The following ACSM3 variants were observed in gnomAD, a reference collection of about 807,000 sequenced individuals.
The protein encoded by ACSM3 is acyl-coenzyme A synthetase ACSM3, mitochondrial.
In ACSM3, 61 loss-of-function variants were observed where a neutral mutation model predicts 74.1. That is an observed-to-expected ratio of 0.82 (90% CI 0.67 to 1.02). The LOEUF (loss-of-function observed/expected upper bound fraction) is 1.02, where lower values mean the gene tolerates loss of function less well. ACSM3 is among the 50% of genes least tolerant of loss of function. The pLI is 0.00. For missense variants in ACSM3, 660 were observed against 697.0 expected (o/e 0.95, Z 0.60); for synonymous variants, 213 against 241.5 (o/e 0.88, Z 1.09).
intron 2 of ACSM3, among the ~76,000 whole-genome samples, chr16:20,773,189 CTT>C (rs1014332189): frequency 6.6e-6 from 1 of 151,980 alleles, no homozygotes; most frequent in Admixed American, 6.6e-5. Flanking sequence ...CTTTAATGAT[CTT>C]TTGTATTTCT....
chr16:20,786,481 G>A (rs1397599747), intron 9 of ACSM3, among the ~76,000 whole-genome samples: 1 of 152,202 alleles, frequency 6.6e-6, no homozygotes, highest in Non-Finnish European at 1.5e-5. Flanking sequence ...AGGAGTTCAA[G>A]ACCAGCCTGG....
intron 1 of ACSM3, among the ~76,000 whole-genome samples, chr16:20,720,651 G>A (rs6497516): frequency 1.3e-5 from 2 of 150,674 alleles, no homozygotes; most frequent in Admixed American, 1.3e-4. Context: ...ACATAAGAAC[G>A]GAGATCTCCA....
intron 1 of ACSM3, among the ~76,000 whole-genome samples, chr16:20,688,050 G>A (rs930803044): frequency 1.7e-4 from 26 of 150,406 alleles, no homozygotes; most frequent in Admixed American, 4.6e-4. Context: ...GTGCCACTGC[G>A]CTCCAGCCTG....
intron 1 of ACSM3, among the ~76,000 whole-genome samples, chr16:20,676,510 T>G (rs1004659492): frequency 6.6e-6 from 1 of 152,182 alleles, no homozygotes; most frequent in African/African-American, 2.4e-5. Flanking sequence ...CAAGGAGATA[T>G]CAGGCACAAA....
At chr16:20,771,592 T>G (rs530128330) in intron 2 of ACSM3, among the ~76,000 whole-genome samples, 1 of 152,172 alleles carries the variant, frequency 6.6e-6, no homozygotes, top group African/African-American at 2.4e-5. Flanking sequence ...CTGAATAGTA[T>G]TGCACTGTGT....
chr16:20,725,275 G>T (rs1175041195), intron 1 of ACSM3: 2 of 172,704 alleles, frequency 1.2e-5, no homozygotes, highest in Non-Finnish European at 1.3e-5. Context: ...CATGTTAATG[G>T]AAGGGAATGA....
intron 1 of ACSM3, among the ~76,000 whole-genome samples, chr16:20,699,264 T>C (rs1323847646): frequency 6.6e-6 from 1 of 152,180 alleles, no homozygotes; most frequent in Non-Finnish European, 1.5e-5. Flanking sequence ...AAGGTAGTCA[T>C]AGGTAGCGGC....
intron 1 of ACSM3, among the ~76,000 whole-genome samples, chr16:20,718,134 A>G (rs1395586732): frequency 6.6e-6 from 1 of 151,964 alleles, no homozygotes; most frequent in East Asian, 1.9e-4. Flanking sequence ...AAAGAAAAGG[A>G]GAAGGAGAAG....
At chr16:20,791,852 TG>T in intron 10 of ACSM3, 149 bp from the exon 11 acceptor site, 2 of 791,100 alleles carry the variant, frequency 2.5e-6, no homozygotes, top group Non-Finnish European at 3.9e-6. Flanking sequence ...CGCTTGAACC[TG>T]GGAGGCAGAG....
chr16:20,741,481 G>GGGGGGGGGGGGGCCC, intron 1 of ACSM3: 20 of 1,308,406 alleles, frequency 1.5e-5, no homozygotes, highest in Non-Finnish European at 1.7e-5. Flanking sequence ...CTGGCAGCCG[G>GGGGGGGGGGGGGCCC]CCCGCCCGCC....
rs766653580 is a variant in ACSM3, at chr16:20,775,903, G to A, written c.284G>A (p.Trp95Ter). The change falls in exon 3 of 14, where the codon TGG becomes TAG. Residue 95 changes from tryptophan to a stop codon, truncating the protein, a stop_gained. Coordinates refer to ENST00000289416, the MANE Select transcript of ACSM3 (RefSeq NM_005622.4). LOFTEE classifies it high-confidence loss of function. Reference sequence around the variant, plus strand: ...AACAGAAATGGAGAAGAGATGCGATGGAGTTTTGAGGAACTGGGATCTCTG... The same window carrying A: ...AACAGAAATGGAGAAGAGATGCGATAGAGTTTTGAGGAACTGGGATCTCTG... The part of the protein sequence containing the change: ...WINRNGEEMR[W>*]SFEELGSLSR... 7 of 1,614,156 alleles carry A rather than the reference G, an allele frequency of 4.3e-6. No homozygotes were observed. The Admixed American group carries it at 8.3e-5, about 19-fold the overall frequency.
At chr16:20,685,835 AC>A (rs375795710) in intron 1 of ACSM3, among the ~76,000 whole-genome samples, 2,891 of 89,188 alleles carry the variant, frequency 0.032, 421 homozygotes, top group African/African-American at 0.1. Flanking sequence ...AAAAAAACAA[AC>A]AAAAAAAAAA....
intron 2 of ACSM3, among the ~76,000 whole-genome samples, chr16:20,754,935 T>C (rs1453693713): frequency 1.3e-5 from 2 of 152,022 alleles, no homozygotes; most frequent in African/African-American, 4.8e-5. Context: ...CTTAAGTCAA[T>C]GGACTTAAGA....
rs2079948633 is a variant in ACSM3, at chr16:20,744,212, G to A, written c.-189-5698G>A. Among the ~76,000 whole-genome samples, 7 of 152,244 alleles carry A rather than the reference G, an allele frequency of 4.6e-5. No individual in the cohort carries two copies. In the South Asian group the frequency reaches 1.5e-3, roughly 32 times the overall value. On this transcript the variant is annotated intron_variant, in intron 1 of 3. Coordinates refer to the ACSM3 transcript ENST00000561584. ...GGCCCAAGAGGATTCTTCTTCCAAG[G>A]AAGCCAAAAGATTGGACATCCCTGG... is the stretch of plus-strand genomic sequence containing the variant.
At chr16:20,690,284 G>C (rs1191050202) in intron 1 of ACSM3, among the ~76,000 whole-genome samples, 1 of 152,138 alleles carries the variant, frequency 6.6e-6, no homozygotes, top group Non-Finnish European at 1.5e-5. Context: ...TTGGCAGCTG[G>C]GAGTTAGTGG....
At chr16:20,773,551 A>T (rs550789893) in intron 2 of ACSM3, among the ~76,000 whole-genome samples, 65 of 151,982 alleles carry the variant, frequency 4.3e-4, no homozygotes, top group Non-Finnish European at 7.8e-4. Context: ...TTGATATATT[A>T]TGCTTCCATT....
intron 3 of ACSM3, among the ~76,000 whole-genome samples, chr16:20,757,111 G>A (rs77645163): frequency 0.13 from 18,902 of 148,872 alleles, 1,236 homozygotes; most frequent in East Asian, 0.2. Context: ...TTGACTTGGT[G>A]ATGCGGGCTC....
chr16:20,701,951 A>G (rs548938134), intron 1 of ACSM3, among the ~76,000 whole-genome samples: 96 of 152,278 alleles, frequency 6.3e-4, no homozygotes, highest in Non-Finnish European at 1.1e-3. Context: ...ATGGATGGGC[A>G]TTCTGGTTGG....
intron 12 of ACSM3, chr16:20,792,748 T>C: frequency 3.0e-6 from 3 of 983,800 alleles, no homozygotes; most frequent in Non-Finnish European, 2.4e-6. Flanking sequence ...ATGTCAGAAG[T>C]GGGAACCAGA....
Sources: allele counts gnomAD v4.1 joint callset (sites outside exome capture counted in the v4.1 genomes callset), GRCh38; gene constraint gnomAD v4.1.1; transcripts MANE v1.5; gene names NCBI Gene and HGNC (gene_info 2026-07-23, HGNC 2026-07-21).